ECHDC1: variants seen among roughly 807,000 people sequenced by gnomAD.
The protein encoded by ECHDC1 is ethylmalonyl-CoA decarboxylase.
ECHDC1 carries 29 observed loss-of-function variants against 29.7 expected under a neutral mutation model. The ratio of observed to expected loss-of-function variants is 0.98; its 90% CI spans 0.73 to 1.33. ECHDC1 has a LOEUF of 1.33. ECHDC1 is among the 40% of genes most tolerant of loss of function. ECHDC1 has a pLI of 0.00. For missense variants in ECHDC1, 328 were observed against 350.0 expected (o/e 0.94, Z 0.50); for synonymous variants, 126 against 123.1 (o/e 1.02, Z -0.15).
At chr6:127,324,758 T>G (rs887661049) in intron 3 of ECHDC1, among the ~76,000 whole-genome samples, 14 of 152,154 alleles carry the variant, frequency 9.2e-5, no homozygotes, top group African/African-American at 2.9e-4. Context: ...CTTTGGTCTT[T>G]GGGCTTCCAA....
chr6:127,289,814 T>G lies in ECHDC1; in HGVS notation c.*55A>C. 4 of 1,474,376 alleles carry G rather than the reference T, an allele frequency of 2.7e-6. No homozygotes were observed. In the South Asian group the frequency reaches 5.3e-5, roughly 19 times the overall value. 91.3% of individuals were successfully genotyped at this position (1,474,376 alleles called of 1,614,324 possible). On this transcript the variant is annotated 3_prime_UTR_variant, in exon 6 of 6. Transcript: ENST00000454859. ...GTTCATATTTAATATCATTTAACAT[T>G]TATACATATTAGTCACTGGAGCTTT...
At chr6:127,311,668 T>TA (rs1562316162) in intron 5 of ECHDC1, among the ~76,000 whole-genome samples, 1 of 10,252 alleles carries the variant, frequency 9.8e-5, no homozygotes, top group Non-Finnish European at 2.3e-4. Context: ...AGGCTCTGTC[T>TA]CAAAAAAAAA....
At chr6:127,341,904 G>A (rs772716808) in intron 1 of ECHDC1, among the ~76,000 whole-genome samples, 1 of 152,226 alleles carries the variant, frequency 6.6e-6, no homozygotes, top group Non-Finnish European at 1.5e-5. Flanking sequence ...TCGCCTGTTT[G>A]TAAAAGTTCT....
chr6:127,322,763 C>T (rs1782946814), intron 3 of ECHDC1, among the ~76,000 whole-genome samples: 1 of 151,888 alleles, frequency 6.6e-6, no homozygotes, highest in Non-Finnish European at 1.5e-5. Flanking sequence ...AAACAACCTT[C>T]TAACTAAAAG....
At chr6:127,297,573 C>G (rs564426641) in intron 5 of ECHDC1, among the ~76,000 whole-genome samples, 2 of 152,224 alleles carry the variant, frequency 1.3e-5, no homozygotes, top group Admixed American at 6.5e-5. Context: ...AACAGAGAAG[C>G]CTTTTTTCCT....
At chr6:127,318,151 C>G (rs148343388) in intron 3 of ECHDC1, among the ~76,000 whole-genome samples, 1 of 152,078 alleles carries the variant, frequency 6.6e-6, no homozygotes, top group Non-Finnish European at 1.5e-5. Context: ...TATTGATTAC[C>G]ATACCCCTCC....
At chr6:127,320,623 T>C (rs3798856) in intron 3 of ECHDC1, among the ~76,000 whole-genome samples, 8,416 of 152,276 alleles carry the variant, frequency 0.055, 282 homozygotes, top group South Asian at 0.097. Flanking sequence ...ACTTATTCCC[T>C]CTGAAAAGAA....
At chr6:127,320,798 G>T (rs1234415786) in intron 3 of ECHDC1, among the ~76,000 whole-genome samples, 1 of 151,836 alleles carries the variant, frequency 6.6e-6, no homozygotes, top group Non-Finnish European at 1.5e-5. Context: ...TCTGAACCAA[G>T]AATTAACTGC....
intron 3 of ECHDC1, among the ~76,000 whole-genome samples, chr6:127,317,682 A>T (rs1195338060): frequency 6.6e-6 from 1 of 152,240 alleles, no homozygotes; most frequent in Admixed American, 6.5e-5. Context: ...CTAGCGGTCA[A>T]TAAGGCTCAG....
chr6:127,297,596 C>CG (rs1562306209), intron 5 of ECHDC1, among the ~76,000 whole-genome samples: 1 of 152,100 alleles, frequency 6.6e-6, no homozygotes, highest in African/African-American at 2.4e-5. Context: ...GTGTGATTAG[C>CG]GGGCTTCCAG....
intron 3 of ECHDC1, among the ~76,000 whole-genome samples, chr6:127,316,934 ACTT>A (rs1782433486): frequency 6.6e-6 from 1 of 152,124 alleles, no homozygotes; most frequent in Non-Finnish European, 1.5e-5. Context: ...TATTGCCACA[ACTT>A]ATAATTTTCA....
At chr6:127,306,631 A>T (rs2114592052) in intron 5 of ECHDC1, among the ~76,000 whole-genome samples, 1 of 152,230 alleles carries the variant, frequency 6.6e-6, no homozygotes, top group East Asian at 1.9e-4. Context: ...ACATTTCCTG[A>T]GGATTCCCCA....
intron 5 of ECHDC1, among the ~76,000 whole-genome samples, chr6:127,291,593 A>G (rs1780190591): frequency 6.6e-6 from 1 of 152,182 alleles, no homozygotes; most frequent in Non-Finnish European, 1.5e-5. Flanking sequence ...GCTTTACTAA[A>G]TAAACGCCCA....
Position 127,330,803 on chromosome 6 carries a change from T to C in ECHDC1, c.220+6A>G. On this transcript the variant is annotated splice_donor_region_variant and intron_variant, in intron 2 of 5. Coordinates refer to ENST00000454859, the MANE Select transcript of ECHDC1 (RefSeq NM_001002030.2). ...CATTCTTTAGGAATAAAAAGATCCC[T>C]AATACCTGAAAAGGCATTCATTCTA... is the stretch of plus-strand genomic sequence containing the variant. 6.2e-7 allele frequency: 1 copy of C among 1,608,828 alleles called. No homozygotes were observed. The highest frequency in any genetic ancestry group is 8.5e-7 in the Non-Finnish European group (1 of 1,175,856).
At chr6:127,307,020 T>C (rs115780668) in intron 5 of ECHDC1, among the ~76,000 whole-genome samples, 3,310 of 152,166 alleles carry the variant, frequency 0.022, 139 homozygotes, top group African/African-American at 0.077. Context: ...AAGAGGAATT[T>C]TGGAAACTAC....
intron 1 of ECHDC1, among the ~76,000 whole-genome samples, chr6:127,334,299 T>C (rs10485028): frequency 0.024 from 3,585 of 152,240 alleles, 70 homozygotes; most frequent in Non-Finnish European, 0.04. Flanking sequence ...AACCCTGTAA[T>C]CTATGCCAGA....
chr6:127,334,618 C>G (rs1485524292), intron 1 of ECHDC1, among the ~76,000 whole-genome samples: 1 of 152,048 alleles, frequency 6.6e-6, no homozygotes, highest in Non-Finnish European at 1.5e-5. Context: ...AATCTCTTCT[C>G]GTCTGATATC....
chr6:127,311,694 A>AAAAAG (rs1781935117), intron 5 of ECHDC1, among the ~76,000 whole-genome samples: 3 of 99,068 alleles, frequency 3.0e-5, no homozygotes, highest in Admixed American at 2.1e-4. Flanking sequence ...AAAAAAAAAA[A>AAAAAG]AAAAGAAAAG....
chr6:127,291,525 C>G (rs1780183395), intron 5 of ECHDC1, among the ~76,000 whole-genome samples: 1 of 151,964 alleles, frequency 6.6e-6, no homozygotes, highest in African/African-American at 2.4e-5. Flanking sequence ...GAAAGTATAA[C>G]AATAAAGGGG....
Sources: allele counts gnomAD v4.1 joint callset (sites outside exome capture counted in the v4.1 genomes callset), GRCh38; gene constraint gnomAD v4.1.1; transcripts MANE v1.5; gene names NCBI Gene and HGNC (gene_info 2026-07-23, HGNC 2026-07-21).